The following GABRR2 variants were observed in gnomAD, a reference collection of about 807,000 sequenced individuals.
GABRR2 encodes gamma-aminobutyric acid receptor subunit rho-2.
A neutral mutation model predicts 47.0 loss-of-function variants in GABRR2; 36 were observed. The ratio of observed to expected loss-of-function variants is 0.77; its 90% confidence interval spans 0.59 to 1.01. The LOEUF is 1.01. GABRR2 is among the 50% of genes least tolerant of loss of function. The probability of loss-of-function intolerance (pLI) is 0.00; values close to 1 mark genes in which losing one functional copy is unlikely to be tolerated. For synonymous variants in GABRR2, 204 were observed against 227.5 expected, an observed-to-expected ratio of 0.90 and a Z score of 0.93; for missense variants, 587 against 594.6, an observed-to-expected ratio of 0.99 and a Z score of 0.13.
chr6:89,276,070 A>G (rs1040914747), intron 2 of GABRR2, among the ~76,000 whole-genome samples: 14 of 147,802 alleles, frequency 9.5e-5, no homozygotes, highest in Non-Finnish European at 1.8e-4. Flanking sequence ...AATATAAAAT[A>G]TAAATATAAA....
chr6:89,260,260 T>C (rs926411262), intron 8 of GABRR2, among the ~76,000 whole-genome samples: 3 of 152,208 alleles, frequency 2.0e-5, no homozygotes, highest in Non-Finnish European at 4.4e-5. Flanking sequence ...TAAAATTGTG[T>C]GATATTATCA....
chr6:89,295,314 C>CT (rs1372608550), intron 2 of GABRR2, among the ~76,000 whole-genome samples: 1 of 152,148 alleles, frequency 6.6e-6, no homozygotes, highest in African/African-American at 2.4e-5. Context: ...TGTTTCCTGA[C>CT]TTTTTAATGA....
chr6:89,285,474 C>A (rs1030783981), intron 2 of GABRR2, among the ~76,000 whole-genome samples: 2 of 152,090 alleles, frequency 1.3e-5, no homozygotes, highest in Non-Finnish European at 2.9e-5. Context: ...TGTGAGCATG[C>A]GATTGCGGGT....
At chr6:89,273,170 T>A (rs1330436174) in intron 2 of GABRR2, among the ~76,000 whole-genome samples, 3 of 152,224 alleles carry the variant, frequency 2.0e-5, no homozygotes, top group Admixed American at 6.5e-5. Flanking sequence ...CGTTCTATTT[T>A]TCTGTGTTCC....
intron 2 of GABRR2, among the ~76,000 whole-genome samples, chr6:89,289,111 C>T (rs548013776): frequency 1.3e-5 from 2 of 152,284 alleles, no homozygotes; most frequent in Admixed American, 6.5e-5. Context: ...ATGGTGAGTC[C>T]GTCAGAAGGA....
intron 7 of GABRR2, 35 bp downstream of exon 7, chr6:89,265,578 T>G: frequency 6.4e-7 from 1 of 1,558,930 alleles, no homozygotes; most frequent in Non-Finnish European, 8.7e-7. Flanking sequence ...TTGAAAAAAA[T>G]AACCACCCTA....
rs1773624054 is a variant in GABRR2 at position 89,257,433 on chromosome 6, C to G, written c.*237G>C. On this transcript the variant is annotated 3_prime_UTR_variant, in exon 9 of 9. Transcript: ENST00000402938. ...TAGTTCACACACAAGAACAGAAGGT[C>G]CCAGAGAGATGTGAAGTGTGACGCG... 1 of 540,536 alleles carries G rather than the reference C, an allele frequency of 1.9e-6. No homozygotes were observed. Among genetic ancestry groups the G allele is most frequent in the East Asian group, 3.0e-5 (1 of 32,790 alleles). The allele number at this position is 540,536 out of a possible 1,614,324, so 33.5% of individuals were successfully genotyped here.
rs976008994 is a variant in GABRR2 at position 89,267,933 on chromosome 6, G to T, written c.595+81C>A. 26 of 1,567,992 alleles carry T rather than the reference G, an allele frequency of 1.7e-5. No individual in the cohort carries two copies. In the Admixed American group the frequency reaches 4.0e-4, roughly 24 times the overall value. ...AAATAGGTCTTAACGCTGGCGGGCA[G>T]TGCTCAGTCTCATGATTACTAAAAT... On this transcript the variant is annotated intron_variant, in intron 5 of 8. Transcript: ENST00000402938.
At chr6:89,274,669 C>T (rs1774122376) in intron 2 of GABRR2, among the ~76,000 whole-genome samples, 1 of 151,926 alleles carries the variant, frequency 6.6e-6, no homozygotes, top group Non-Finnish European at 1.5e-5. Context: ...GAGTTCAAGA[C>T]CAGCCTCAAT....
At chr6:89,287,074 C>A (rs1473955973) in intron 2 of GABRR2, among the ~76,000 whole-genome samples, 1 of 152,200 alleles carries the variant, frequency 6.6e-6, no homozygotes, top group African/African-American at 2.4e-5. Context: ...CCAAAGTGAG[C>A]CAGTGCCCTT....
Position 89,257,589 on chromosome 6 carries a change from G to T in GABRR2, c.*81C>A. 8.8e-7 allele frequency: 1 copy of T among 1,133,292 alleles called. No homozygotes were observed. The highest frequency in any genetic ancestry group is 1.3e-6 in the Non-Finnish European group (1 of 795,982). 70.2% of individuals were successfully genotyped at this position (1,133,292 alleles called of 1,614,324 possible). On this transcript the variant is annotated 3_prime_UTR_variant, in exon 9 of 9. Transcript: ENST00000402938. ...TGCTGCATTGTTTGGTGAGGGGCGT[G>T]TGGTCAACAAGTCCGTCTGTCAATG...
At chr6:89,312,944 G>A (rs201307061) in intron 1 of GABRR2, among the ~76,000 whole-genome samples, 15 of 152,304 alleles carry the variant, frequency 9.8e-5, no homozygotes, top group Admixed American at 2.0e-4. Flanking sequence ...GCTCATGCGC[G>A]GGTTTGGGAA....
At chr6:89,258,588 G>C (rs1773664522) in intron 8 of GABRR2, among the ~76,000 whole-genome samples, 2 of 150,850 alleles carry the variant, frequency 1.3e-5, no homozygotes, top group African/African-American at 4.9e-5. Flanking sequence ...AGGCATGGTG[G>C]CATGCACCTG....
At position 89,299,786 on chromosome 6, in the gene GABRR2, C is replaced by T. The variant is rs140364265; in HGVS notation, c.193G>A (p.Asp65Asn). Reference sequence around the variant, plus strand: ...CCGAAGGCGGGTCTCATGCTGAAGTCGTGCTCGTCCACTCTGAGAAGCTGC... The same window carrying T: ...CCGAAGGCGGGTCTCATGCTGAAGTTGTGCTCGTCCACTCTGAGAAGCTGC... ...PQQLLRVDEH[D>N]FSMRPAFGGP... The change falls in exon 2 of 9, where the codon GAC becomes AAC. Residue 65 changes from aspartate to asparagine, a missense_variant. Transcript: ENST00000402938. The T allele has an allele frequency of 4.0e-5, 65 of 1,613,852 alleles. No individual in the cohort carries two copies. In the Middle Eastern group the frequency reaches 8.2e-4, roughly 20 times the overall value.
intron 7 of GABRR2, among the ~76,000 whole-genome samples, chr6:89,265,106 ATGT>A (rs1312135364): frequency 6.6e-6 from 1 of 151,950 alleles, no homozygotes; most frequent in African/African-American, 2.4e-5. Context: ...GCCCAACCTA[ATGT>A]TGTCTAAATT....
At position 89,315,260 on chromosome 6, in the gene GABRR2, T is replaced by C; in HGVS notation, c.-95A>G. On this transcript the variant is annotated 5_prime_UTR_variant, in exon 1 of 9. Transcript: ENST00000402938. Reference sequence around the variant, plus strand: ...GACCATTGATCCATCTGCTGCCTCCTGACGGGCTGCTCTGAGGGGCTGTGA... The same window carrying C: ...GACCATTGATCCATCTGCTGCCTCCCGACGGGCTGCTCTGAGGGGCTGTGA... 4 of 1,596,084 alleles carry C rather than the reference T, an allele frequency of 2.5e-6. No individual in the cohort carries two copies. In the South Asian group the frequency reaches 4.5e-5, roughly 18 times the overall value.
chr6:89,274,258 C>T (rs1774115038), intron 2 of GABRR2, among the ~76,000 whole-genome samples: 1 of 152,184 alleles, frequency 6.6e-6, no homozygotes, highest in Non-Finnish European at 1.5e-5. Flanking sequence ...TCTTTCTATT[C>T]AGGAGGTCCC....
chr6:89,267,440 G>A (rs763309597), intron 6 of GABRR2, among the ~76,000 whole-genome samples: 11 of 152,092 alleles, frequency 7.2e-5, no homozygotes, highest in South Asian at 2.1e-4. Flanking sequence ...TGGTGGCAGC[G>A]CCTGTAGTCC....
intron 2 of GABRR2, among the ~76,000 whole-genome samples, chr6:89,289,352 G>A (rs1582454903): frequency 6.6e-6 from 1 of 152,168 alleles, no homozygotes; most frequent in East Asian, 1.9e-4. Flanking sequence ...GCTGAGGAAG[G>A]GGTGTTTGGA....
Sources: allele counts gnomAD v4.1 joint callset (sites outside exome capture counted in the v4.1 genomes callset), GRCh38; gene constraint gnomAD v4.1.1; transcripts MANE v1.5; gene names NCBI Gene and HGNC (gene_info 2026-07-23, HGNC 2026-07-21).